The following ACOT11 variants were observed in gnomAD, a reference collection of about 807,000 sequenced individuals.
ACOT11 encodes the protein acyl-coenzyme A thioesterase 11.
Under a neutral mutation model 77.5 loss-of-function variants are expected in ACOT11, and 69 were observed. That is an observed-to-expected ratio of 0.89 (90% CI 0.73 to 1.09). ACOT11 has a LOEUF of 1.09. Among genes scored for constraint, ACOT11 ranks in the 50% least tolerant of loss-of-function variants. The probability of loss-of-function intolerance (pLI) is 0.00; values close to 1 mark genes in which losing one functional copy is unlikely to be tolerated. For missense variants in ACOT11, 766 were observed against 813.7 expected, an observed-to-expected ratio of 0.94 and a Z score of 0.71; for synonymous variants, 279 against 313.0, an observed-to-expected ratio of 0.89 and a Z score of 1.15.
Position 54,602,631 on chromosome 1 carries a change from T to C in ACOT11, c.1030-38T>C, listed in dbSNP as rs778789782. 8 of 1,471,304 alleles carry C rather than the reference T, an allele frequency of 5.4e-6. No homozygotes were observed. The Admixed American group carries it at 1.8e-4, about 33-fold the overall frequency. 91.1% of individuals were successfully genotyped at this position (1,471,304 alleles called of 1,614,324 possible). Reference sequence around the variant, plus strand: ...GATGGAGAGGGGGCAGGACGGAGGGTGGGGGTAGCTGGTTGCCTATCCCGA... The same window carrying C: ...GATGGAGAGGGGGCAGGACGGAGGGCGGGGGTAGCTGGTTGCCTATCCCGA... On this transcript the variant is annotated intron_variant, in intron 9 of 15. Coordinates refer to ENST00000343744, the MANE Select transcript of ACOT11 (RefSeq NM_147161.4).
At chr1:54,630,956 C>G (rs1223705333) in intron 16 of ACOT11, 3 of 557,934 alleles carry the variant, frequency 5.4e-6, no homozygotes, top group Non-Finnish European at 9.9e-6. Context: ...GTTCGTTTCA[C>G]CTTAGAACTT....
At chr1:54,598,189 T>A (rs1480546096) in intron 7 of ACOT11, 1 of 152,238 alleles carries the variant, frequency 6.6e-6, no homozygotes, top group African/African-American at 2.4e-5. Flanking sequence ...GGCCTGGCTA[T>A]GAGTGCAGTA....
intron 6 of ACOT11, among the ~76,000 whole-genome samples, chr1:54,596,514 G>A (rs1355505129): frequency 1.3e-5 from 2 of 152,206 alleles, no homozygotes; most frequent in Admixed American, 1.3e-4. Flanking sequence ...GAATCACCAG[G>A]GCAGAAGGCA....
intron 1 of ACOT11, among the ~76,000 whole-genome samples, chr1:54,551,130 C>CAAA (rs11367325): frequency 1.5e-4 from 14 of 90,934 alleles, no homozygotes; most frequent in Non-Finnish European, 2.3e-4. Context: ...ACAGTGGTCT[C>CAAA]AAAAAAAAAA....
chr1:54,582,243 A>G (rs1046993486), intron 1 of ACOT11, among the ~76,000 whole-genome samples: 1 of 152,060 alleles, frequency 6.6e-6, no homozygotes, highest in African/African-American at 2.4e-5. Context: ...TCTCTGTCCT[A>G]CTTGGTGAGT....
chr1:54,579,913 G>C (rs1182620421), intron 1 of ACOT11, among the ~76,000 whole-genome samples: 2 of 152,194 alleles, frequency 1.3e-5, no homozygotes, highest in East Asian at 1.9e-4. Context: ...AAGCACTGTG[G>C]AAACAGTCCA....
intron 15 of ACOT11, among the ~76,000 whole-genome samples, chr1:54,617,073 G>C (rs1644180630): frequency 6.6e-6 from 1 of 152,200 alleles, no homozygotes; most frequent in South Asian, 2.1e-4. Flanking sequence ...TCTTGTTCCT[G>C]CACAAGGTTG....
chr1:54,634,525 GAAC>G (rs1644319902), intron 16 of ACOT11, among the ~76,000 whole-genome samples: 1 of 152,032 alleles, frequency 6.6e-6, no homozygotes, highest in Non-Finnish European at 1.5e-5. Flanking sequence ...TCATACCGAT[GAAC>G]AACTGATGAT....
At chr1:54,591,675 G>T (rs1654719378) in intron 3 of ACOT11, among the ~76,000 whole-genome samples, 1 of 152,182 alleles carries the variant, frequency 6.6e-6, no homozygotes, top group Admixed American at 6.5e-5. Context: ...CCTCCATTAG[G>T]CACAGCCCAG....
At chr1:54,563,891 C>G (rs1168948113) in intron 1 of ACOT11, among the ~76,000 whole-genome samples, 1 of 152,066 alleles carries the variant, frequency 6.6e-6, no homozygotes, top group East Asian at 1.9e-4. Context: ...CATGGTGAAA[C>G]CCCATCTCCA....
chr1:54,620,130 G>A lies in ACOT11; in HGVS notation c.1630-10604G>A, dbSNP rs562524880. On this transcript the variant is annotated intron_variant, in intron 15 of 16. Transcript: ENST00000371316. ...CCAGTACCCCATCTGGCAGAGGGAC[G>A]GTGAGGCTCAGACTCACTGGTGCTA... 4.5e-5 allele frequency: 47 copies of A among 1,054,486 alleles called. No homozygotes were observed. The East Asian group carries it at 4.7e-4, about 11-fold the overall frequency. 65.3% of individuals were successfully genotyped at this position (1,054,486 alleles called of 1,614,324 possible).
At chr1:54,590,519 TAGAG>T (rs1231366329) in intron 3 of ACOT11, among the ~76,000 whole-genome samples, 5 of 151,438 alleles carry the variant, frequency 3.3e-5, no homozygotes, top group Admixed American at 6.6e-5. Flanking sequence ...TGGGGGAAGG[TAGAG>T]AGAGAAGGAG....
chr1:54,591,227 T>C (rs1385700721), intron 3 of ACOT11, among the ~76,000 whole-genome samples: 1 of 152,238 alleles, frequency 6.6e-6, no homozygotes, highest in Non-Finnish European at 1.5e-5. Context: ...GCTTGTGGTA[T>C]TTATTGAGCT....
At position 54,609,610 on chromosome 1, in the gene ACOT11, G is replaced by C. The variant is rs1401328204; in HGVS notation, c.*498G>C. The C allele has an allele frequency of 1.9e-6, 3 of 1,613,356 alleles. No individual in the cohort carries two copies. The highest frequency in any genetic ancestry group is 2.5e-6 in the Non-Finnish European group (3 of 1,180,030). ...GCCAGCCTGGTGCCACAGTCACGTG[G>C]GGGAAGACCTCAGCCACAGCTGTAA... On this transcript the variant is annotated 3_prime_UTR_variant, in exon 16 of 16. Transcript: ENST00000343744.
At chr1:54,553,604 T>G (rs1489673913) in intron 1 of ACOT11, among the ~76,000 whole-genome samples, 1 of 152,192 alleles carries the variant, frequency 6.6e-6, no homozygotes, top group African/African-American at 2.4e-5. Flanking sequence ...TAGTTTTCAT[T>G]TTTTTGGTGA....
At chr1:54,612,646 A>G, downstream of ACOT11, 1 of 1,614,066 alleles carries the variant, frequency 6.2e-7, no homozygotes, top group Non-Finnish European at 8.5e-7. Context: ...GTGGACATGT[A>G]GAAGGTGGTC....
chr1:54,635,042 G>C (rs1003688393), exon 17 of ACOT11: 5 of 375,254 alleles, frequency 1.3e-5, no homozygotes, highest in East Asian at 4.5e-5. Context: ...CTATGACACA[G>C]TTACACATGC....
At chr1:54,555,041 C>G (rs944474866) in intron 1 of ACOT11, among the ~76,000 whole-genome samples, 2 of 152,218 alleles carry the variant, frequency 1.3e-5, no homozygotes, top group African/African-American at 4.8e-5. Context: ...TCACTGCAAC[C>G]TCCGCCTCCC....
chr1:54,614,955 CAT>C, downstream of ACOT11: 3 of 896,708 alleles, frequency 3.3e-6, no homozygotes, highest in Non-Finnish European at 4.7e-6. Flanking sequence ...TGTGTGTGTG[CAT>C]GTGCGTGCAC....
Sources: gnomAD v4.1 joint callset for allele counts (sites outside exome capture counted in the v4.1 genomes callset) on GRCh38, gnomAD v4.1.1 for gene constraint, MANE v1.5 for transcripts, NCBI Gene and HGNC (gene_info 2026-07-23, HGNC 2026-07-21) for gene names.